NNMT: variants seen among roughly 807,000 people sequenced by gnomAD.
NNMT encodes nicotinamide N-methyltransferase.
NNMT carries 10 observed loss-of-function variants against 11.7 expected under a neutral mutation model. That is an observed-to-expected ratio of 0.85 (90% CI 0.53 to 1.45). The LOEUF is 1.45. NNMT is among the 40% of genes most tolerant of loss of function. The pLI is 0.00. For synonymous variants in NNMT, 143 were observed against 133.8 expected, an observed-to-expected ratio of 1.07 and a Z score of -0.48; for missense variants, 381 against 319.4, an observed-to-expected ratio of 1.19 and a Z score of -1.47.
At chr11:114,285,013 C>T (rs369176031) in intron 2 of NNMT, among the ~76,000 whole-genome samples, 6 of 152,088 alleles carry the variant, frequency 3.9e-5, no homozygotes, top group African/African-American at 1.4e-4. Context: ...CCACCTCAAC[C>T]TCCAAAAGTG....
chr11:114,290,818 C>A (rs1438657798), intron 2 of NNMT, among the ~76,000 whole-genome samples: 1 of 152,186 alleles, frequency 6.6e-6, no homozygotes, highest in Non-Finnish European at 1.5e-5. Context: ...TCTTCAAAGA[C>A]TTTTTCTGGT....
chr11:114,273,046 G>A (rs1945183632), intron 2 of NNMT, among the ~76,000 whole-genome samples: 1 of 152,184 alleles, frequency 6.6e-6, no homozygotes, highest in Non-Finnish European at 1.5e-5. Context: ...CTGCACGTAT[G>A]TGCCTCTGAT....
upstream of NNMT, among the ~76,000 whole-genome samples, chr11:114,292,966 A>G (rs945929655): frequency 6.6e-6 from 1 of 152,234 alleles, no homozygotes; most frequent in Non-Finnish European, 1.5e-5. Flanking sequence ...AATACCTCAG[A>G]TTGAATAGTA....
chr11:114,282,710 A>G (rs903729920), intron 2 of NNMT, among the ~76,000 whole-genome samples: 2 of 152,064 alleles, frequency 1.3e-5, no homozygotes, highest in African/African-American at 4.8e-5. Flanking sequence ...CCCTCCTCTG[A>G]GGGCTAGATG....
At chr11:114,276,890 G>A (rs763988597) in intron 2 of NNMT, among the ~76,000 whole-genome samples, 1 of 152,198 alleles carries the variant, frequency 6.6e-6, no homozygotes, top group Non-Finnish European at 1.5e-5. Context: ...ACCTTTGGTG[G>A]GTCACTAACA....
chr11:114,289,469 CT>C (rs1945320118), intron 2 of NNMT, among the ~76,000 whole-genome samples: 1 of 152,106 alleles, frequency 6.6e-6, no homozygotes, highest in Non-Finnish European at 1.5e-5. Context: ...AGTTTTTCTT[CT>C]TTACTAGTAT....
chr11:114,281,033 C>A (rs908426419), intron 2 of NNMT, among the ~76,000 whole-genome samples: 6 of 152,180 alleles, frequency 3.9e-5, no homozygotes, highest in African/African-American at 1.4e-4. Context: ...CCAGGAAAGC[C>A]AACCCAGACC....
At chr11:114,270,604 G>A (rs1361199735) in intron 2 of NNMT, 5 of 152,212 alleles carry the variant, frequency 3.3e-5, no homozygotes, top group African/African-American at 1.2e-4. Context: ...CCAAGACCAA[G>A]GTGCCAGTAG....
chr11:114,285,340 T>C (rs1355951763), intron 2 of NNMT, among the ~76,000 whole-genome samples: 2 of 152,308 alleles, frequency 1.3e-5, no homozygotes, highest in East Asian at 3.9e-4. Context: ...AAGGCAGCCC[T>C]CTGCGTACAT....
At chr11:114,305,056 G>A (rs1477604212) in intron 2 of NNMT, among the ~76,000 whole-genome samples, 1 of 152,232 alleles carries the variant, frequency 6.6e-6, no homozygotes, top group East Asian at 1.9e-4. Context: ...TGGACTAGTA[G>A]TTTGACAACA....
chr11:114,273,549 A>G (rs2135249944), intron 2 of NNMT, among the ~76,000 whole-genome samples: 1 of 152,298 alleles, frequency 6.6e-6, no homozygotes, highest in East Asian at 1.9e-4. Flanking sequence ...ATACTTAATA[A>G]ATGTTTAAGG....
At chr11:114,277,764 T>C (rs774793476) in intron 2 of NNMT, among the ~76,000 whole-genome samples, 3 of 152,184 alleles carry the variant, frequency 2.0e-5, no homozygotes, top group Non-Finnish European at 2.9e-5. Flanking sequence ...GAGGTAACTG[T>C]TGATAGGCAT....
intron 2 of NNMT, among the ~76,000 whole-genome samples, chr11:114,306,975 A>G (rs942669564): frequency 6.6e-6 from 1 of 152,214 alleles, no homozygotes; most frequent in African/African-American, 2.4e-5. Context: ...ATTCCAAAGC[A>G]TCTCTGGACT....
At chr11:114,309,179 A>G (rs562403456) in intron 2 of NNMT, among the ~76,000 whole-genome samples, 2 of 152,252 alleles carry the variant, frequency 1.3e-5, no homozygotes, top group South Asian at 4.1e-4. Flanking sequence ...CTATGTGCAG[A>G]TAGGTTACTT....
At chr11:114,278,949 G>A (rs1945237200) in intron 2 of NNMT, among the ~76,000 whole-genome samples, 1 of 152,194 alleles carries the variant, frequency 6.6e-6, no homozygotes, top group Non-Finnish European at 1.5e-5. Context: ...TCCAGGGCAG[G>A]TGCCCTACGC....
chr11:114,308,409 G>C (rs1945512046), intron 2 of NNMT, among the ~76,000 whole-genome samples: 1 of 152,148 alleles, frequency 6.6e-6, no homozygotes, highest in Non-Finnish European at 1.5e-5. Context: ...TGCTGAGACA[G>C]GGCAGGAGGA....
At chr11:114,300,031 TG>T (rs1945422762) in intron 2 of NNMT, among the ~76,000 whole-genome samples, 1 of 152,070 alleles carries the variant, frequency 6.6e-6, no homozygotes, top group Non-Finnish European at 1.5e-5. Flanking sequence ...CTCTTATTTT[TG>T]ATCACTTTCT....
upstream of NNMT, among the ~76,000 whole-genome samples, chr11:114,292,158 T>C (rs73566515): frequency 0.038 from 5,741 of 152,292 alleles, 202 homozygotes; most frequent in African/African-American, 0.077. Context: ...ACAAATCTAT[T>C]CAATTACATA....
intron 2 of NNMT, among the ~76,000 whole-genome samples, chr11:114,272,002 C>T (rs575647072): frequency 6.6e-6 from 1 of 152,154 alleles, no homozygotes; most frequent in Non-Finnish European, 1.5e-5. Flanking sequence ...GAGGTGAATA[C>T]CTGGGAGAGG....
Sources: allele counts gnomAD v4.1 joint callset (sites outside exome capture counted in the v4.1 genomes callset), GRCh38; gene constraint gnomAD v4.1.1; transcripts MANE v1.5; gene names NCBI Gene and HGNC (gene_info 2026-07-23, HGNC 2026-07-21).